SKAP1: variants seen among roughly 807,000 people sequenced by gnomAD.
The protein encoded by SKAP1 is src kinase-associated phosphoprotein 1.
A neutral mutation model predicts 58.5 loss-of-function variants in SKAP1; 44 were observed. The ratio of observed to expected loss-of-function variants is 0.75; its 90% CI spans 0.59 to 0.97. The LOEUF is 0.97. Among genes scored for constraint, SKAP1 ranks in the 50% least tolerant of loss-of-function variants. The pLI is 0.00. For synonymous variants in SKAP1, 127 were observed against 149.7 expected, an observed-to-expected ratio of 0.85 and a Z score of 1.11; for missense variants, 390 against 435.2, an observed-to-expected ratio of 0.90 and a Z score of 0.92.
chr17:48,166,715 G>A (rs2064145861), intron 10 of SKAP1, among the ~76,000 whole-genome samples: 2 of 152,172 alleles, frequency 1.3e-5, no homozygotes, highest in African/African-American at 4.8e-5. Context: ...CATGAAGATG[G>A]ATAAAGCCAG....
rs796289141 is a variant in SKAP1, at chr17:48,421,318, T to A, written c.46+8757A>T. ...GTTCTTTTTTTTTTTTTTTTTTTTTTAAAGACGAATTTTGCTCTGTCACCC... is the reference window on the plus strand; with the variant it reads ...GTTCTTTTTTTTTTTTTTTTTTTTTAAAAGACGAATTTTGCTCTGTCACCC... On this transcript the variant is annotated intron_variant, in intron 1 of 12. Coordinates refer to ENST00000336915, the MANE Select transcript of SKAP1 (RefSeq NM_003726.4). 4.2e-3 allele frequency among the ~76,000 whole-genome samples: 541 copies of A among 130,164 alleles called. 6 individuals carry two copies. The highest frequency in any genetic ancestry group is 0.014 in the African/African-American group (471 of 33,930). 85.4% of individuals were successfully genotyped at this position (130,164 alleles called of 152,430 possible).
intron 12 of SKAP1, among the ~76,000 whole-genome samples, chr17:48,134,690 G>T (rs34949267): frequency 6.6e-6 from 1 of 151,874 alleles, no homozygotes; most frequent in South Asian, 2.1e-4. Context: ...AGAGTGAAAA[G>T]GGTGAATTTG....
At chr17:48,331,659 A>G (rs887018269) in intron 4 of SKAP1, among the ~76,000 whole-genome samples, 4 of 152,028 alleles carry the variant, frequency 2.6e-5, no homozygotes, top group African/African-American at 9.7e-5. Context: ...AGATCGCGCC[A>G]TTGTACTCCA....
At chr17:48,255,724 A>T (rs1362215494) in intron 4 of SKAP1, among the ~76,000 whole-genome samples, 2 of 152,094 alleles carry the variant, frequency 1.3e-5, no homozygotes, top group South Asian at 4.1e-4. Context: ...CTCAAAATCT[A>T]CACCTAAGAG....
chr17:48,270,431 C>A (rs1035999469), intron 4 of SKAP1, among the ~76,000 whole-genome samples: 3 of 152,000 alleles, frequency 2.0e-5, no homozygotes, highest in Non-Finnish European at 4.4e-5. Context: ...GCAACCTCCA[C>A]CTCCCGGGTT....
intron 3 of SKAP1, among the ~76,000 whole-genome samples, chr17:48,358,188 C>T (rs929404309): frequency 3.9e-5 from 6 of 152,236 alleles, no homozygotes; most frequent in African/African-American, 7.2e-5. Context: ...TTTGCAAACA[C>T]GTCATAAATT....
At chr17:48,343,070 A>AT (rs1040134373) in intron 4 of SKAP1, among the ~76,000 whole-genome samples, 1 of 152,090 alleles carries the variant, frequency 6.6e-6, no homozygotes, top group Non-Finnish European at 1.5e-5. Context: ...CTAACTTTAT[A>AT]TTTTTTTATT....
intron 1 of SKAP1, among the ~76,000 whole-genome samples, chr17:48,426,889 G>A (rs1426068275): frequency 6.6e-6 from 1 of 151,584 alleles, no homozygotes; most frequent in African/African-American, 2.4e-5. Context: ...TACCCCTCAG[G>A]GCTAAAAAGA....
At chr17:48,147,999 C>T (rs1364850031) in intron 11 of SKAP1, among the ~76,000 whole-genome samples, 2 of 151,922 alleles carry the variant, frequency 1.3e-5, no homozygotes, top group Admixed American at 6.6e-5. Context: ...GTGACAACTC[C>T]ACAAAGCGCA....
chr17:48,243,214 C>G (rs2065260217), intron 4 of SKAP1, among the ~76,000 whole-genome samples: 1 of 152,136 alleles, frequency 6.6e-6, no homozygotes, highest in African/African-American at 2.4e-5. Flanking sequence ...CTGTGGAATT[C>G]TCTGGTGAAA....
chr17:48,287,279 C>T (rs141767373), intron 4 of SKAP1, among the ~76,000 whole-genome samples: 1 of 151,948 alleles, frequency 6.6e-6, no homozygotes, highest in Non-Finnish European at 1.5e-5. Context: ...TCCCTCAAAC[C>T]TACAAAATTC....
chr17:48,334,134 C>G (rs891408976), intron 4 of SKAP1, among the ~76,000 whole-genome samples: 2 of 151,846 alleles, frequency 1.3e-5, no homozygotes, highest in African/African-American at 4.8e-5. Flanking sequence ...TCTGATACCC[C>G]AAGAGACCCT....
At chr17:48,187,297 T>C (rs186749205) in intron 6 of SKAP1, among the ~76,000 whole-genome samples, 93 of 152,334 alleles carry the variant, frequency 6.1e-4, no homozygotes, top group Non-Finnish European at 1.2e-3. Flanking sequence ...AACACTTCAC[T>C]GCTGCTGTCA....
At chr17:48,189,638 C>A in intron 4 of SKAP1, 138 bp from the exon 5 acceptor site, 1 of 574,644 alleles carries the variant, frequency 1.7e-6, no homozygotes, top group Non-Finnish European at 3.0e-6. Flanking sequence ...AAAACAATTT[C>A]TGTATGATTG....
intron 4 of SKAP1, among the ~76,000 whole-genome samples, chr17:48,331,830 A>G (rs533271865): frequency 1.3e-5 from 2 of 152,340 alleles, no homozygotes; most frequent in South Asian, 2.1e-4. Flanking sequence ...TAGTTAATAA[A>G]GCATCTAAGG....
rs1250291424 is a variant in SKAP1 at position 48,401,748 on chromosome 17, C to A, written c.47-4963G>T. ...AGATATGACACCAAGAAAAAAAAAG[C>A]AACCAAATACAAAAATAGACAAACA... On this transcript the variant is annotated intron_variant, in intron 1 of 12. Transcript: ENST00000336915. Among the ~76,000 whole-genome samples, 3 of 151,300 alleles carry A rather than the reference C, an allele frequency of 2.0e-5. No individual in the cohort carries two copies. In the East Asian group the frequency reaches 5.8e-4, roughly 29 times the overall value.
chr17:48,248,042 T>C (rs1047252254), intron 4 of SKAP1, among the ~76,000 whole-genome samples: 1 of 152,196 alleles, frequency 6.6e-6, no homozygotes, highest in Admixed American at 6.5e-5. Context: ...ACAAGAAATT[T>C]CTGAATCGAT....
intron 10 of SKAP1, among the ~76,000 whole-genome samples, chr17:48,167,608 A>G (rs1186079883): frequency 6.6e-6 from 1 of 152,128 alleles, no homozygotes; most frequent in Non-Finnish European, 1.5e-5. Flanking sequence ...TGCTTATAAG[A>G]CCACAATAGT....
intron 2 of SKAP1, among the ~76,000 whole-genome samples, chr17:48,384,364 C>A (rs2067251678): frequency 6.6e-6 from 1 of 152,134 alleles, no homozygotes; most frequent in Non-Finnish European, 1.5e-5. Flanking sequence ...CAGTTCCGGA[C>A]ATTCAAGCAG....
Sources: allele counts gnomAD v4.1 joint callset (sites outside exome capture counted in the v4.1 genomes callset), GRCh38; gene constraint gnomAD v4.1.1; transcripts MANE v1.5; gene names NCBI Gene and HGNC (gene_info 2026-07-23, HGNC 2026-07-21).